The following XYLT1 variants were observed in gnomAD, a reference collection of about 807,000 sequenced individuals.
XYLT1 encodes the protein xylosyltransferase 1.
A neutral mutation model predicts 91.3 loss-of-function variants in XYLT1; 36 were observed. The observed-to-expected ratio is 0.39, with a 90% confidence interval of 0.30 to 0.52. The LOEUF is 0.52. XYLT1 is among the 20% of genes least tolerant of loss of function. The pLI is 0.68. For synonymous variants in XYLT1, 588 were observed against 532.0 expected (o/e 1.11, Z -1.45); for missense variants, 1,242 against 1,284.5 (o/e 0.97, Z 0.51).
chr16:17,174,824 G>A (rs1249393722), intron 5 of XYLT1, among the ~76,000 whole-genome samples: 1 of 152,178 alleles, frequency 6.6e-6, no homozygotes. Context: ...AGGGTAGAGT[G>A]CACTGGTGCG....
At chr16:17,278,843 T>A (rs1439060114) in intron 2 of XYLT1, among the ~76,000 whole-genome samples, 1 of 152,208 alleles carries the variant, frequency 6.6e-6, no homozygotes, top group Non-Finnish European at 1.5e-5. Context: ...TTCTGAAGCT[T>A]GTACTCTTCA....
chr16:17,285,807 C>T (rs763620779), intron 2 of XYLT1, among the ~76,000 whole-genome samples: 3 of 151,818 alleles, frequency 2.0e-5, no homozygotes, highest in Admixed American at 6.6e-5. Flanking sequence ...AAAATGTGTC[C>T]TTCTGAGGAG....
chr16:17,132,402 C>T (rs1024076975), intron 9 of XYLT1, among the ~76,000 whole-genome samples: 1 of 152,048 alleles, frequency 6.6e-6, no homozygotes, highest in African/African-American at 2.4e-5. Context: ...CAGTGGGAGG[C>T]AGTGAGCAAA....
At chr16:17,321,267 A>C (rs1443456168) in intron 2 of XYLT1, among the ~76,000 whole-genome samples, 2 of 146,784 alleles carry the variant, frequency 1.4e-5, no homozygotes, top group Non-Finnish European at 3.0e-5. Context: ...CCCACTGCAC[A>C]CTGCCCTCCC....
In XYLT1 at chr16:17,350,679, A is replaced by C. The variant is rs116303105; in HGVS notation, c.402+7333T>G. 5.0e-3 allele frequency among the ~76,000 whole-genome samples: 756 copies of C among 152,308 alleles called. 4 individuals are homozygous for C. Among genetic ancestry groups the C allele is most frequent in the African/African-American group, 0.017 (723 of 41,558 alleles). On this transcript the variant is annotated intron_variant, in intron 2 of 11. Transcript: ENST00000261381. ...GGCTGAGAAGCAATTTAGTCTCACCATCCTCTCAACAGATGCTGGGCACCA... is the reference window on the plus strand; with the variant it reads ...GGCTGAGAAGCAATTTAGTCTCACCCTCCTCTCAACAGATGCTGGGCACCA...
At chr16:17,192,507 G>C (rs150504359) in intron 5 of XYLT1, among the ~76,000 whole-genome samples, 1 of 152,084 alleles carries the variant, frequency 6.6e-6, no homozygotes, top group African/African-American at 2.4e-5. Context: ...TCCTTGCCTC[G>C]GTAAATAGAA....
chr16:17,285,358 A>C (rs1322214681), intron 2 of XYLT1, among the ~76,000 whole-genome samples: 1 of 152,192 alleles, frequency 6.6e-6, no homozygotes, highest in Non-Finnish European at 1.5e-5. Context: ...AGCATCCCGG[A>C]AGCCCTGGGA....
chr16:17,333,597 T>C (rs1195766888), intron 2 of XYLT1, among the ~76,000 whole-genome samples: 3 of 150,320 alleles, frequency 2.0e-5, no homozygotes, highest in Non-Finnish European at 3.0e-5. Flanking sequence ...ATTTATTTTT[T>C]TTTTTTTTGA....
chr16:17,354,309 C>T (rs1465671881), intron 2 of XYLT1, among the ~76,000 whole-genome samples: 1 of 152,144 alleles, frequency 6.6e-6, no homozygotes, highest in Non-Finnish European at 1.5e-5. Flanking sequence ...CCTGCTGATG[C>T]CAACAGATGC....
intron 3 of XYLT1, among the ~76,000 whole-genome samples, chr16:17,212,913 T>C (rs1341668759): frequency 2.0e-5 from 3 of 152,222 alleles, no homozygotes; most frequent in Admixed American, 1.3e-4. Context: ...TCCATCCTGC[T>C]GATGTTACCT....
chr16:17,135,612 GACCACTGATAGCA>G (rs982139642), intron 8 of XYLT1, among the ~76,000 whole-genome samples: 11 of 151,606 alleles, frequency 7.3e-5, no homozygotes, highest in African/African-American at 2.7e-4. Context: ...AGTGTTTCAG[GACCACTGATAGCA>G]ACCAAACTCT....
At chr16:17,422,826 T>C (rs1428097906) in intron 1 of XYLT1, among the ~76,000 whole-genome samples, 1 of 152,116 alleles carries the variant, frequency 6.6e-6, no homozygotes. Context: ...TCACAGATAT[T>C]TTTTATTGAA....
chr16:17,103,141 A>G lies in XYLT1; in HGVS notation c.*5554T>C, dbSNP rs1026438625. On this transcript the variant is annotated 3_prime_UTR_variant, in exon 12 of 12. Coordinates refer to ENST00000261381, the MANE Select transcript of XYLT1 (RefSeq NM_022166.4). ...CACTACCCATCTGCTGGGAATATTT[A>G]GTGCTATCACTTTCCAGGCAGGAAG... 3.3e-5 allele frequency: 5 copies of G among 152,652 alleles called. No homozygotes were observed. The highest frequency in any genetic ancestry group is 7.3e-5 in the Non-Finnish European group (5 of 68,036). The allele number at this position is 152,652 out of a possible 1,614,324, so 9.5% of individuals were successfully genotyped here.
chr16:17,399,558 C>T (rs1187265204), intron 1 of XYLT1, among the ~76,000 whole-genome samples: 1 of 152,218 alleles, frequency 6.6e-6, no homozygotes, highest in Non-Finnish European at 1.5e-5. Context: ...ACCGCAGCTG[C>T]CAGCATCATG....
At chr16:17,394,900 C>A (rs754356600) in intron 1 of XYLT1, among the ~76,000 whole-genome samples, 7 of 152,154 alleles carry the variant, frequency 4.6e-5, no homozygotes, top group Non-Finnish European at 1.0e-4. Flanking sequence ...GCAGGAAGAT[C>A]GCTTGAGGAC....
chr16:17,151,004 C>T (rs2031268435), intron 6 of XYLT1, among the ~76,000 whole-genome samples: 1 of 152,172 alleles, frequency 6.6e-6, no homozygotes, highest in South Asian at 2.1e-4. Context: ...CAGAACCTCA[C>T]TTCATAGGGG....
chr16:17,439,331 G>C (rs1244459069), intron 1 of XYLT1, among the ~76,000 whole-genome samples: 1 of 152,048 alleles, frequency 6.6e-6, no homozygotes, highest in Non-Finnish European at 1.5e-5. Context: ...ATGGGTGAAA[G>C]ATTTTTTGCT....
At chr16:17,292,858 G>A (rs1276272709) in intron 2 of XYLT1, among the ~76,000 whole-genome samples, 7 of 152,146 alleles carry the variant, frequency 4.6e-5, no homozygotes, top group East Asian at 1.9e-4. Context: ...CCAGTCCCAC[G>A]GTCAGGGATG....
intron 3 of XYLT1, chr16:17,249,718 G>A (rs1433792648): frequency 6.5e-6 from 1 of 152,678 alleles, no homozygotes; most frequent in East Asian, 1.9e-4. Flanking sequence ...ACCCAGGTTG[G>A]AGTGCAGTGG....
Sources: gnomAD v4.1 joint callset for allele counts (sites outside exome capture counted in the v4.1 genomes callset) on GRCh38, gnomAD v4.1.1 for gene constraint, MANE v1.5 for transcripts, NCBI Gene and HGNC (gene_info 2026-07-23, HGNC 2026-07-21) for gene names.